Variants in HEATR1 observed in about 807,000 individuals in gnomAD.
HEATR1 encodes HEAT repeat-containing protein 1.
Under a neutral mutation model 248.2 loss-of-function variants are expected in HEATR1, and 77 were observed. The ratio of observed to expected loss-of-function variants is 0.31; its 90% CI spans 0.26 to 0.37. The LOEUF (loss-of-function observed/expected upper bound fraction) is 0.37. Among genes scored for constraint, HEATR1 ranks in the 10% least tolerant of loss-of-function variants. The probability of loss-of-function intolerance (pLI) is 1.00; values close to 1 mark genes in which losing one functional copy is unlikely to be tolerated. For missense variants in HEATR1, 2,420 were observed against 2,504.9 expected (o/e 0.97, Z 0.72); for synonymous variants, 897 against 923.1 (o/e 0.97, Z 0.51).
chr1:236,556,158 G>C lies in HEATR1; in HGVS notation c.5456C>G (p.Pro1819Arg). Residue 1819 changes from proline to arginine, a missense_variant, in exon 38 of 45, where the codon CCC becomes CGC. Physicochemically the swap from Pro to Arg is moderately radical, Grantham distance 103. Coordinates refer to ENST00000366582, the MANE Select transcript of HEATR1 (RefSeq NM_018072.6). ...TTTGATGGCGGGCAACAGGACTCGG[G>C]GTGCAAGTGTGGTAGCCAGTGTCTT... ...LKKTLATTLA[P>R]RVLLPAIKKT... 6.2e-7 allele frequency: 1 copy of C among 1,614,020 alleles called. No homozygotes were observed. The highest frequency in any genetic ancestry group is 8.5e-7 in the Non-Finnish European group (1 of 1,180,020).
intron 24 of HEATR1, 36 bp from the exon 25 acceptor site, chr1:236,572,864 T>C: frequency 1.3e-6 from 2 of 1,542,938 alleles, no homozygotes; most frequent in Non-Finnish European, 9.0e-7. Flanking sequence ...GATGATATAA[T>C]CCATTGGGAT....
At chr1:236,597,834 C>A (rs988179368) in intron 5 of HEATR1, 44 bp downstream of exon 5, 2 of 1,242,394 alleles carry the variant, frequency 1.6e-6, no homozygotes, top group Non-Finnish European at 2.3e-6. Flanking sequence ...TCAAAGCAAG[C>A]AATCTTTTCA....
chr1:236,592,066 T>G lies in HEATR1; in HGVS notation c.1349A>C (p.Glu450Ala). 1 of 1,608,854 alleles carries G rather than the reference T, an allele frequency of 6.2e-7. No homozygotes were observed. Among genetic ancestry groups the G allele is most frequent in the South Asian group, 1.1e-5 (1 of 90,576 alleles). Residue 450 changes from glutamate to alanine, a missense_variant, in exon 11 of 45, where the codon GAA becomes GCA. Coordinates refer to ENST00000366582, the MANE Select transcript of HEATR1 (RefSeq NM_018072.6). ...LDVVLEEHLKEIADLKKQELF... is the reference protein window; with the variant it reads ...LDVVLEEHLKAIADLKKQELF... ...CTCTTGTTTTTTCAGATCTGCAATT[T>G]CCTTTAAGTGTTCCTCTAATACAAC...
At chr1:236,576,657 A>G in intron 21 of HEATR1, 123 bp downstream of exon 21, 1 of 853,076 alleles carries the variant, frequency 1.2e-6, no homozygotes, top group Non-Finnish European at 1.8e-6. Flanking sequence ...TTGACCTATC[A>G]GTTCCTAAAT....
intron 36 of HEATR1, 66 bp downstream of exon 36, chr1:236,558,171 C>A: frequency 1.3e-6 from 2 of 1,485,208 alleles, no homozygotes; most frequent in Non-Finnish European, 1.8e-6. Flanking sequence ...AAAAAGTCAC[C>A]AAAGTGTTAT....
rs949356693 is a variant in HEATR1, at chr1:236,571,484, A to G, written c.3827-12T>C. On this transcript the variant is annotated splice_polypyrimidine_tract_variant and intron_variant, in intron 27 of 44. Coordinates refer to ENST00000366582, the MANE Select transcript of HEATR1 (RefSeq NM_018072.6). ...CTCATCTAAAATATCTACAATGGTG[A>G]GAAAGACAAAAACCCTAAGTGGCAG... 1 of 1,613,622 alleles carries G rather than the reference A, an allele frequency of 6.2e-7. No homozygotes were observed.
At chr1:236,573,951 TCACA>T (rs1219522865) in intron 24 of HEATR1, 2 of 275,190 alleles carry the variant, frequency 7.3e-6, no homozygotes, top group Non-Finnish European at 1.3e-5. Context: ...ATGAGAAAGA[TCACA>T]CACACACATA....
rs1216729630 is a variant in HEATR1, at chr1:236,597,904, A to C, written c.577T>G (p.Cys193Gly). The change falls in exon 5 of 45, where the codon TGC becomes GGC. Residue 193 changes from cysteine to glycine, a missense_variant. Coordinates refer to ENST00000366582, the MANE Select transcript of HEATR1 (RefSeq NM_018072.6). ...TTCACAGATTTTGTCACCAAACTGC[A>C]AATGAAATCCATGAATCCAAGATCT... ...YKDLGFMDFI[C>G]SLVTKSVKVF... 2 of 1,613,642 alleles carry C rather than the reference A, an allele frequency of 1.2e-6. No individual in the cohort carries two copies. The highest frequency in any genetic ancestry group is 2.2e-5 in the South Asian group (2 of 91,016).
Position 236,558,412 on chromosome 1 carries a change from A to T in HEATR1, c.5029T>A (p.Leu1677Ile). The change falls in exon 36 of 45, where the codon TTA becomes ATA. Residue 1677 changes from leucine (L) to isoleucine (I), a missense_variant. Coordinates refer to ENST00000366582, the MANE Select transcript of HEATR1 (RefSeq NM_018072.6). The stretch of plus-strand genomic sequence containing the variant: ...TTTTCTGCACCAAAATTCTTGCATA[A>T]AAGCTTTAAGGTATACAACGCTGTC... ...RQTALYTLKL[L>I]CKNFGAENPD... 1.2e-6 allele frequency: 2 copies of T among 1,614,208 alleles called. No homozygotes were observed. The highest frequency in any genetic ancestry group is 1.7e-6 in the Non-Finnish European group (2 of 1,180,030).
rs373830599 is a variant in HEATR1 at position 236,566,686 on chromosome 1, T to C, written c.4268A>G (p.Tyr1423Cys). 6.8e-6 allele frequency: 11 copies of C among 1,613,976 alleles called. No individual in the cohort carries two copies. The highest frequency in any genetic ancestry group is 9.3e-6 in the Non-Finnish European group (11 of 1,180,014). ...WILLILLFEQYVTKTVLAAAY... is the reference protein window; with the variant it reads ...WILLILLFEQCVTKTVLAAAY... ...AGCCGCCAGCACTGTTTTTGTGACATACTGTTCAAAAAGCAAGATGAGGAG... is the reference window on the plus strand; with the variant it reads ...AGCCGCCAGCACTGTTTTTGTGACACACTGTTCAAAAAGCAAGATGAGGAG... The change falls in exon 30 of 45, where the codon TAT becomes TGT. Residue 1423 changes from tyrosine (Y) to cysteine (C), a missense_variant. Tyr to Cys is a radical substitution (Grantham distance 194). Coordinates refer to ENST00000366582, the MANE Select transcript of HEATR1 (RefSeq NM_018072.6).
intron 17 of HEATR1, 54 bp downstream of exon 17, chr1:236,584,971 C>T (rs1663844710): frequency 2.0e-6 from 3 of 1,479,582 alleles, no homozygotes; most frequent in Non-Finnish European, 1.8e-6. Flanking sequence ...GACTAATAGG[C>T]CAGGCTGTTG....
At position 236,576,873 on chromosome 1, in the gene HEATR1, G is replaced by T. The variant is rs550109705; in HGVS notation, c.2832C>A (p.Ala944=). Residue 944 remains alanine, a synonymous_variant, in exon 21 of 45, where the codon GCC becomes GCA. Coordinates refer to ENST00000366582, the MANE Select transcript of HEATR1 (RefSeq NM_018072.6). ...AAAACGGGGATGCCACTCCACTGAG[G>T]GCCTGGAGACACTGAATGGCAGCCC... ...VRRAAIQCLQ[A]LSGVASPFYL... 365 of 1,613,844 alleles carry T rather than the reference G, an allele frequency of 2.3e-4. 3 individuals are homozygous for T. The South Asian group carries it at 3.8e-3, about 17-fold the overall frequency.
chr1:236,575,108 A>G (rs147961054), intron 22 of HEATR1, among the ~76,000 whole-genome samples: 1 of 152,320 alleles, frequency 6.6e-6, no homozygotes, highest in East Asian at 1.9e-4. Context: ...TGTAATGCTC[A>G]AAAGTGCTAA....
chr1:236,586,431 G>A lies in HEATR1; in HGVS notation c.1737C>T (p.Ala579=), dbSNP rs372932939. 216 of 1,611,784 alleles carry A rather than the reference G, an allele frequency of 1.3e-4. 1 individual carries two copies. The highest frequency in any genetic ancestry group is 1.0e-3 in the South Asian group (95 of 90,966). ...NGEWYEVLKI[A]ADILIKEEIL... Reference sequence around the variant, plus strand: ...TCTCTTCTTTAATTAATATGTCAGCGGCTATCTTAAGTACCTCGTACCTAA... The same window carrying A: ...TCTCTTCTTTAATTAATATGTCAGCAGCTATCTTAAGTACCTCGTACCTAA... The change falls in exon 15 of 45, where the codon GCC becomes GCT. Residue 579 remains alanine (A), a synonymous_variant. Transcript: ENST00000366582.
rs1230043060 is a variant in HEATR1, at chr1:236,549,215, C to CA, written c.*1686dup. ...GTCCATCATCATTAGCAACTGAGAT[C>CA]AAAGCACTCTTCCACTTTACGTGAT... On this transcript the variant is annotated 3_prime_UTR_variant, in exon 45 of 45. Coordinates refer to ENST00000366582, the MANE Select transcript of HEATR1 (RefSeq NM_018072.6). The CA allele has an allele frequency of 2.6e-6, 1 of 383,380 alleles. No individual in the cohort carries two copies. Among genetic ancestry groups the CA allele is most frequent in the African/African-American group, 2.1e-5 (1 of 48,334 alleles). 23.7% of individuals were successfully genotyped at this position (383,380 alleles called of 1,614,324 possible).
rs1201769855 is a variant in HEATR1, at chr1:236,555,572, T to A, written c.5733A>T (p.Thr1911=). 1 of 1,614,218 alleles carries A rather than the reference T, an allele frequency of 6.2e-7. No individual in the cohort carries two copies. Among genetic ancestry groups the A allele is most frequent in the South Asian group, 1.1e-5 (1 of 91,086 alleles). Residue 1911 remains threonine, a synonymous_variant, in exon 40 of 45, where the codon ACA becomes ACT. Coordinates refer to ENST00000366582, the MANE Select transcript of HEATR1 (RefSeq NM_018072.6). ...TCACCTTGAAGAACAGGGGCCTGAATGTGACCTCGGAAAGTTTGACAACCA... is the reference window on the plus strand; with the variant it reads ...TCACCTTGAAGAACAGGGGCCTGAAAGTGACCTCGGAAAGTTTGACAACCA... ...VAMVVKLSEV[T]FRPLFFKLFD...
rs2275685 is a variant in HEATR1 at position 236,553,659 on chromosome 1, C to T, written c.6159G>A (p.Ser2053=). 0.66 allele frequency: 1,061,186 copies of T among 1,613,214 alleles called. 355,727 individuals are homozygous for T. Among genetic ancestry groups the T allele is most frequent in the Non-Finnish European group, 0.7 (822,512 of 1,179,694 alleles). The stretch of plus-strand genomic sequence containing the variant: ...AAAGAGAGTCATCCGCCATGGCCAC[C>T]GAAAACTGTGCGATGCATGGTATCA... The part of the protein sequence containing the change: ...KHLIPCIAQF[S]VAMADDSLWK... The change falls in exon 43 of 45, where the codon TCG becomes TCA. Residue 2053 remains serine (S), a synonymous_variant. Transcript: ENST00000366582.
intron 33 of HEATR1, among the ~76,000 whole-genome samples, chr1:236,560,634 G>A (rs1032612119): frequency 6.6e-6 from 1 of 152,240 alleles, no homozygotes; most frequent in Non-Finnish European, 1.5e-5. Flanking sequence ...GGGCAGGACA[G>A]TGGCCCTGGG....
At chr1:236,553,803 T>C (rs915671550) in intron 42 of HEATR1, 64 bp from the exon 43 acceptor site, 3 of 1,506,798 alleles carry the variant, frequency 2.0e-6, no homozygotes, top group Non-Finnish European at 2.7e-6. Flanking sequence ...TTTGAAAAAA[T>C]ATCCAACATA....
Sources: allele counts gnomAD v4.1 joint callset (sites outside exome capture counted in the v4.1 genomes callset), GRCh38; gene constraint gnomAD v4.1.1; transcripts MANE v1.5; gene names NCBI Gene and HGNC (gene_info 2026-07-23, HGNC 2026-07-21).